Variants in EBF1 observed in about 807,000 individuals in gnomAD.
The protein encoded by EBF1 is transcription factor COE1.
A neutral mutation model predicts 68.4 loss-of-function variants in EBF1; 10 were observed. That is an observed-to-expected ratio of 0.15 (90% CI 0.09 to 0.25). The LOEUF (loss-of-function observed/expected upper bound fraction) is 0.25, where lower values mean the gene tolerates loss of function less well. Ranked by LOEUF, EBF1 falls within the 10% of genes least tolerant of loss-of-function variation. The probability of loss-of-function intolerance (pLI) is 1.00; values close to 1 mark genes in which losing one functional copy is unlikely to be tolerated. For synonymous variants in EBF1, 298 were observed against 299.8 expected, an observed-to-expected ratio of 0.99 and a Z score of 0.06; for missense variants, 509 against 794.4, an observed-to-expected ratio of 0.64 and a Z score of 4.32.
intron 6 of EBF1, among the ~76,000 whole-genome samples, chr5:159,028,127 A>C (rs1768059598): frequency 6.6e-6 from 1 of 152,186 alleles, no homozygotes; most frequent in South Asian, 2.1e-4. Context: ...AGCAGGCTCT[A>C]GATGAAAGAG....
intron 6 of EBF1, among the ~76,000 whole-genome samples, chr5:158,964,609 A>G (rs1040501074): frequency 1.3e-5 from 2 of 152,206 alleles, no homozygotes; most frequent in African/African-American, 4.8e-5. Flanking sequence ...CTGTAAGCAC[A>G]GTATTCTCTA....
chr5:158,834,188 T>C (rs1016381683), intron 7 of EBF1, among the ~76,000 whole-genome samples: 1 of 152,208 alleles, frequency 6.6e-6, no homozygotes, highest in African/African-American at 2.4e-5. Context: ...AGGAAAGCTA[T>C]TGATAAAAAT....
At chr5:159,031,055 T>A (rs1056199205) in intron 6 of EBF1, among the ~76,000 whole-genome samples, 3 of 151,562 alleles carry the variant, frequency 2.0e-5, no homozygotes, top group Non-Finnish European at 4.4e-5. Context: ...GTGCCTGTAA[T>A]CCCAGCTACT....
chr5:158,788,886 C>T (rs976991088), intron 9 of EBF1, among the ~76,000 whole-genome samples: 1 of 151,940 alleles, frequency 6.6e-6, no homozygotes, highest in African/African-American at 2.4e-5. Flanking sequence ...TTTCAAGTGC[C>T]TCAGTCATCA....
At chr5:159,065,531 T>C (rs1473705956) in intron 6 of EBF1, among the ~76,000 whole-genome samples, 1 of 152,134 alleles carries the variant, frequency 6.6e-6, no homozygotes, top group Non-Finnish European at 1.5e-5. Context: ...TGAGCCCCAG[T>C]GTTCACACCC....
chr5:159,008,386 TAACA>T (rs1438416134), intron 6 of EBF1, among the ~76,000 whole-genome samples: 2 of 152,086 alleles, frequency 1.3e-5, no homozygotes, highest in Non-Finnish European at 2.9e-5. Context: ...ACACTTTAGT[TAACA>T]AACAGATGAG....
chr5:158,860,104 C>T (rs1794717238), intron 6 of EBF1, among the ~76,000 whole-genome samples: 1 of 152,198 alleles, frequency 6.6e-6, no homozygotes, highest in South Asian at 2.1e-4. Context: ...TCTAGTTCCG[C>T]ACCTACTAAT....
chr5:158,924,696 C>CA (rs1234649339), intron 6 of EBF1, among the ~76,000 whole-genome samples: 2 of 151,476 alleles, frequency 1.3e-5, no homozygotes, highest in Admixed American at 6.6e-5. Context: ...ACTAAAAATA[C>CA]AAAAAAATTA....
At chr5:158,747,286 T>C (rs1188904263) in intron 10 of EBF1, among the ~76,000 whole-genome samples, 1 of 152,142 alleles carries the variant, frequency 6.6e-6, no homozygotes, top group Non-Finnish European at 1.5e-5. Flanking sequence ...TGAGAAGCGG[T>C]TCTGAGCATT....
At chr5:158,948,184 G>T (rs1815228099) in intron 6 of EBF1, among the ~76,000 whole-genome samples, 1 of 152,134 alleles carries the variant, frequency 6.6e-6, no homozygotes, top group African/African-American at 2.4e-5. Flanking sequence ...TCCCAGGTTG[G>T]AGCCCTCATT....
intron 6 of EBF1, among the ~76,000 whole-genome samples, chr5:158,960,830 G>T (rs143443140): frequency 6.6e-5 from 10 of 152,174 alleles, no homozygotes; most frequent in Non-Finnish European, 1.3e-4. Context: ...AATCAGCCCC[G>T]GAAAGGCCTT....
At chr5:158,954,359 G>A (rs1423835967) in intron 6 of EBF1, among the ~76,000 whole-genome samples, 2 of 152,224 alleles carry the variant, frequency 1.3e-5, no homozygotes, top group African/African-American at 4.8e-5. Flanking sequence ...GCCAGCAACG[G>A]TGCCAAATGT....
chr5:158,831,875 C>A (rs1262325161), intron 7 of EBF1, among the ~76,000 whole-genome samples: 1 of 151,990 alleles, frequency 6.6e-6, no homozygotes, highest in Non-Finnish European at 1.5e-5. Flanking sequence ...ATAGAAAGTG[C>A]AAAGATCCTG....
At chr5:158,965,696 T>G (rs1342076964) in intron 6 of EBF1, among the ~76,000 whole-genome samples, 1 of 152,228 alleles carries the variant, frequency 6.6e-6, no homozygotes, top group Non-Finnish European at 1.5e-5. Context: ...TAAAATGGGA[T>G]GCTACACTTT....
At chr5:158,890,283 C>T (rs1041592375) in intron 6 of EBF1, among the ~76,000 whole-genome samples, 1 of 152,190 alleles carries the variant, frequency 6.6e-6, no homozygotes, top group South Asian at 2.1e-4. Context: ...GGCCACTAGG[C>T]CTTTATTCAA....
chr5:159,074,884 G>A (rs1431756668), intron 5 of EBF1, among the ~76,000 whole-genome samples: 1 of 151,902 alleles, frequency 6.6e-6, no homozygotes, highest in Non-Finnish European at 1.5e-5. Flanking sequence ...CTTTTGGGAT[G>A]GAAAAACCAA....
intron 6 of EBF1, among the ~76,000 whole-genome samples, chr5:158,879,236 T>C (rs1333239574): frequency 6.6e-6 from 1 of 152,206 alleles, no homozygotes; most frequent in Non-Finnish European, 1.5e-5. Context: ...ATGATCACAA[T>C]GGTGAACATA....
At chr5:158,982,147 A>G (rs927365327) in intron 6 of EBF1, among the ~76,000 whole-genome samples, 3 of 152,264 alleles carry the variant, frequency 2.0e-5, no homozygotes, top group Admixed American at 2.0e-4. Context: ...AACTCTGTAA[A>G]AAAGGTAGAT....
At chr5:158,991,494 C>CAAAAA (rs1760317928) in intron 6 of EBF1, among the ~76,000 whole-genome samples, 1 of 152,108 alleles carries the variant, frequency 6.6e-6, no homozygotes, top group Non-Finnish European at 1.5e-5. Flanking sequence ...ACATGTTTTG[C>CAAAAA]CACTACTTCT....
Sources: allele counts gnomAD v4.1 joint callset (sites outside exome capture counted in the v4.1 genomes callset), GRCh38; gene constraint gnomAD v4.1.1; transcripts MANE v1.5; gene names NCBI Gene and HGNC (gene_info 2026-07-23, HGNC 2026-07-21).